Variants in PPIL4 observed in about 807,000 individuals in gnomAD.
The protein encoded by PPIL4 is peptidyl-prolyl cis-trans isomerase-like 4.
In PPIL4, 50 loss-of-function variants were observed where a neutral mutation model predicts 69.1. The observed-to-expected ratio is 0.72, with a 90% CI of 0.58 to 0.92. The LOEUF is 0.92. PPIL4 is among the 40% of genes least tolerant of loss of function. The probability of loss-of-function intolerance (pLI) is 0.00; values close to 1 mark genes in which losing one functional copy is unlikely to be tolerated. For synonymous variants in PPIL4, 193 were observed against 191.6 expected (o/e 1.01, Z -0.06); for missense variants, 480 against 587.9 (o/e 0.82, Z 1.90).
intron 4 of PPIL4, among the ~76,000 whole-genome samples, chr6:149,536,653 T>C (rs1038062780): frequency 1.3e-5 from 2 of 148,952 alleles, no homozygotes; most frequent in African/African-American, 2.5e-5. Flanking sequence ...AGAGGGAAGG[T>C]AGCTGCAAAA....
intron 4 of PPIL4, among the ~76,000 whole-genome samples, chr6:149,537,101 G>A (rs971780366): frequency 7.3e-5 from 11 of 151,420 alleles, no homozygotes; most frequent in Non-Finnish European, 1.0e-4. Flanking sequence ...ACTCCAGCCT[G>A]GGCAACAGAG....
chr6:149,521,174 GATA>G lies in PPIL4; in HGVS notation c.871-6_871-4del. 6.8e-7 allele frequency: 1 copy of G among 1,469,216 alleles called. No homozygotes were observed. The highest frequency in any genetic ancestry group is 9.4e-7 in the Non-Finnish European group (1 of 1,059,632). The allele number at this position is 1,469,216 out of a possible 1,614,324, so 91.0% of individuals were successfully genotyped here. ...AATGCTTTCTCACAATCTTCTTCCTGATAATAATTATAAAAACTCAAGCATAAA... is the reference window on the plus strand; with the variant it reads ...AATGCTTTCTCACAATCTTCTTCCTGATAATTATAAAAACTCAAGCATAAA... On this transcript the variant is annotated splice_polypyrimidine_tract_variant and splice_region_variant and intron_variant, in intron 9 of 12. Transcript: ENST00000253329.
At chr6:149,537,055 G>T (rs1456899426) in intron 4 of PPIL4, among the ~76,000 whole-genome samples, 3 of 151,816 alleles carry the variant, frequency 2.0e-5, no homozygotes, top group Admixed American at 2.0e-4. Context: ...GAACCCAGGA[G>T]GCGAAGGTTG....
At chr6:149,525,235 T>TA in intron 8 of PPIL4, 26 bp from the exon 9 acceptor site, 1 of 1,248,934 alleles carries the variant, frequency 8.0e-7, no homozygotes, top group Non-Finnish European at 1.1e-6. Flanking sequence ...TAAAAGTGAC[T>TA]TAAAAAAAAA....
chr6:149,544,176 A>G (rs2115042490), intron 1 of PPIL4, among the ~76,000 whole-genome samples: 1 of 152,326 alleles, frequency 6.6e-6, no homozygotes, highest in South Asian at 2.1e-4. Context: ...GCTACTCTAC[A>G]TGGGCAGAGC....
chr6:149,531,160 T>C (rs1777189946), intron 7 of PPIL4, among the ~76,000 whole-genome samples: 1 of 151,948 alleles, frequency 6.6e-6, no homozygotes, highest in Non-Finnish European at 1.5e-5. Context: ...GGTCGGGAGT[T>C]GGAGACCAGC....
At chr6:149,539,874 A>T (rs1050432746) in intron 4 of PPIL4, among the ~76,000 whole-genome samples, 2 of 152,238 alleles carry the variant, frequency 1.3e-5, no homozygotes, top group African/African-American at 4.8e-5. Context: ...TCACACCTGT[A>T]ATCCCAGCAC....
intron 7 of PPIL4, among the ~76,000 whole-genome samples, chr6:149,527,097 G>A (rs554851999): frequency 1.3e-5 from 2 of 152,340 alleles, no homozygotes; most frequent in East Asian, 1.9e-4. Context: ...GGTAGCTCAT[G>A]CCTGTAATCC....
chr6:149,512,723 C>T (rs896399926), intron 11 of PPIL4, among the ~76,000 whole-genome samples: 5 of 152,044 alleles, frequency 3.3e-5, no homozygotes, highest in Admixed American at 3.3e-4. Flanking sequence ...CAATGCATAT[C>T]GAGTTATCAT....
intron 4 of PPIL4, among the ~76,000 whole-genome samples, chr6:149,537,806 C>A (rs1777300544): frequency 6.6e-6 from 1 of 152,152 alleles, no homozygotes; most frequent in African/African-American, 2.4e-5. Context: ...CAGGGTTTAT[C>A]AAATATTTTA....
At chr6:149,536,799 G>A (rs1009590294) in intron 4 of PPIL4, among the ~76,000 whole-genome samples, 2 of 150,358 alleles carry the variant, frequency 1.3e-5, no homozygotes, top group Non-Finnish European at 3.0e-5. Flanking sequence ...TAATTTAAAA[G>A]TGCAAGGTGA....
chr6:149,543,610 C>T (rs1053370358), intron 1 of PPIL4, among the ~76,000 whole-genome samples: 2 of 151,866 alleles, frequency 1.3e-5, no homozygotes, highest in Admixed American at 6.6e-5. Context: ...TTTTCTCTTT[C>T]CTTTAGTATT....
intron 7 of PPIL4, among the ~76,000 whole-genome samples, chr6:149,528,604 C>T (rs991032262): frequency 6.6e-6 from 1 of 151,958 alleles, no homozygotes; most frequent in African/African-American, 2.4e-5. Flanking sequence ...GACTAAAATC[C>T]AAAAAATACC....
intron 7 of PPIL4, among the ~76,000 whole-genome samples, chr6:149,528,737 A>G (rs760107058): frequency 6.6e-6 from 1 of 152,224 alleles, no homozygotes; most frequent in Non-Finnish European, 1.5e-5. Context: ...AAACCATTCA[A>G]TCCAGCATCT....
At chr6:149,514,084 C>T (rs149927379) in intron 11 of PPIL4, among the ~76,000 whole-genome samples, 1 of 152,242 alleles carries the variant, frequency 6.6e-6, no homozygotes, top group Admixed American at 6.5e-5. Context: ...ACAGGAATGT[C>T]TCACTTCTAC....
chr6:149,526,766 A>G lies in PPIL4; in HGVS notation c.689T>C (p.Leu230Pro). ...TGGAGGTTTAATATCTGCATCAGGT[A>G]GGTCTCCCACCTAAATTACAAACAA... ...QAILLEMVGDLPDADIKPPEN... is the reference protein window; with the variant it reads ...QAILLEMVGDPPDADIKPPEN... Residue 230 changes from leucine to proline, a missense_variant, in exon 8 of 13, where the codon CTA becomes CCA. Coordinates refer to ENST00000253329, the MANE Select transcript of PPIL4 (RefSeq NM_139126.4). The G allele has an allele frequency of 6.2e-7, 1 of 1,612,578 alleles. No homozygotes were observed. Among genetic ancestry groups the G allele is most frequent in the Non-Finnish European group, 8.5e-7 (1 of 1,179,234 alleles).
rs1048105876 is a variant in PPIL4, at chr6:149,517,164, G to C, written c.1079+190C>G. The stretch of plus-strand genomic sequence containing the variant: ...AACTTTCTCCATACACTAGAGTATA[G>C]TGAAAAAGCAAAGTATATGTAAGAT... On this transcript the variant is annotated intron_variant, in intron 11 of 12. Transcript: ENST00000253329. 8.1e-6 allele frequency: 4 copies of C among 495,262 alleles called. No individual in the cohort carries two copies. The African/African-American group carries it at 8.1e-5, about 10-fold the overall frequency. The allele number at this position is 495,262 out of a possible 1,614,324, so 30.7% of individuals were successfully genotyped here. A position where few individuals can be genotyped will look rare whatever the true frequency, so the allele number is the denominator to read the frequency against.
chr6:149,508,033 A>G (rs1470001557), intron 12 of PPIL4, among the ~76,000 whole-genome samples: 1 of 152,264 alleles, frequency 6.6e-6, no homozygotes, highest in Admixed American at 6.5e-5. Context: ...AAGTGGCTGA[A>G]TGAAGCCATG....
chr6:149,544,738 A>G (rs1173277496), intron 1 of PPIL4, among the ~76,000 whole-genome samples: 1 of 152,206 alleles, frequency 6.6e-6, no homozygotes, highest in East Asian at 1.9e-4. Context: ...TTTAGAAGAA[A>G]CAGCAAAAGA....
Sources: allele counts gnomAD v4.1 joint callset (sites outside exome capture counted in the v4.1 genomes callset), GRCh38; gene constraint gnomAD v4.1.1; transcripts MANE v1.5; gene names NCBI Gene and HGNC (gene_info 2026-07-23, HGNC 2026-07-21).